The following SEC23A variants were observed in gnomAD, a reference collection of about 807,000 sequenced individuals.
The protein encoded by SEC23A is protein transport protein Sec23A.
SEC23A carries 56 observed loss-of-function variants against 103.7 expected under a neutral mutation model. The ratio of observed to expected loss-of-function variants is 0.54; its 90% CI spans 0.44 to 0.67. The LOEUF is 0.67. Ranked by LOEUF, SEC23A falls within the 30% of genes least tolerant of loss-of-function variation. SEC23A has a pLI of 0.00. For synonymous variants in SEC23A, 281 were observed against 293.0 expected (o/e 0.96, Z 0.42); for missense variants, 784 against 936.4 (o/e 0.84, Z 2.12).
intron 13 of SEC23A, among the ~76,000 whole-genome samples, chr14:39,056,754 A>T (rs1037468978): frequency 6.6e-6 from 1 of 152,102 alleles, no homozygotes; most frequent in African/African-American, 2.4e-5. Flanking sequence ...TGAGCACCAC[A>T]CCAGGCTCAA....
intron 11 of SEC23A, among the ~76,000 whole-genome samples, chr14:39,064,210 A>G (rs1301071826): frequency 6.6e-6 from 1 of 151,996 alleles, no homozygotes; most frequent in African/African-American, 2.4e-5. Flanking sequence ...TACCACGCAA[A>G]CTGCTTGTAC....
intron 13 of SEC23A, among the ~76,000 whole-genome samples, chr14:39,059,300 A>AAAAAAAAAAAAAAAAAAAAC (rs1886382869): frequency 3.0e-5 from 3 of 100,882 alleles, no homozygotes; most frequent in Admixed American, 1.1e-4. Flanking sequence ...AAAAAAAAAA[A>AAAAAAAAAAAAAAAAAAAAC]AAAAAAAAAA....
chr14:39,065,045 G>T, intron 10 of SEC23A, 52 bp from the exon 11 acceptor site: 2 of 1,121,860 alleles, frequency 1.8e-6, no homozygotes, highest in Non-Finnish European at 2.7e-6. Context: ...ACGTTCAAAT[G>T]TTCAACTACA....
At chr14:39,088,013 G>A (rs1365671378) in intron 5 of SEC23A, 1 of 151,960 alleles carries the variant, frequency 6.6e-6, no homozygotes, top group Non-Finnish European at 1.5e-5. Flanking sequence ...GCTCTATAAG[G>A]GTTTACACCA....
intron 19 of SEC23A, among the ~76,000 whole-genome samples, chr14:39,035,962 A>C (rs1885446109): frequency 6.6e-6 from 1 of 152,074 alleles, no homozygotes; most frequent in Non-Finnish European, 1.5e-5. Context: ...TGGCAGTATA[A>C]AGGTGGGGCC....
chr14:39,040,236 T>C, intron 18 of SEC23A: 1 of 164,150 alleles, frequency 6.1e-6, no homozygotes, highest in Non-Finnish European at 1.3e-5. Context: ...CGTATATGTA[T>C]CCTCAAAATC....
At chr14:39,043,713 G>A (rs1266864434) in intron 16 of SEC23A, among the ~76,000 whole-genome samples, 1 of 152,158 alleles carries the variant, frequency 6.6e-6, no homozygotes, top group South Asian at 2.1e-4. Context: ...AGAAAGAACG[G>A]TGAGTGAGTA....
At chr14:39,039,660 T>C in intron 18 of SEC23A, 1 of 153,632 alleles carries the variant, frequency 6.5e-6, no homozygotes, top group Non-Finnish European at 1.4e-5. Flanking sequence ...TAACTCATAA[T>C]GGAAGCACAT....
chr14:39,069,391 C>T (rs1886771100), intron 9 of SEC23A, among the ~76,000 whole-genome samples: 1 of 152,154 alleles, frequency 6.6e-6, no homozygotes, highest in East Asian at 1.9e-4. Flanking sequence ...GTAACCTACC[C>T]TCCTCACTCA....
chr14:39,086,840 T>C (rs982174824), intron 6 of SEC23A, 89 bp downstream of exon 6: 3 of 776,178 alleles, frequency 3.9e-6, no homozygotes, highest in African/African-American at 3.4e-5. Flanking sequence ...TATTTAACAA[T>C]ATAGTATCAC....
intron 3 of SEC23A, 93 bp from the exon 4 acceptor site, chr14:39,092,720 A>T: frequency 1.3e-6 from 1 of 744,534 alleles, no homozygotes; most frequent in South Asian, 1.8e-5. Flanking sequence ...TCATTTAATT[A>T]TTTTTAAAAA....
chr14:39,070,651 C>T (rs904497614), intron 9 of SEC23A, among the ~76,000 whole-genome samples: 1 of 152,146 alleles, frequency 6.6e-6, no homozygotes, highest in African/African-American at 2.4e-5. Flanking sequence ...AACAAAATCC[C>T]AAAAACACAT....
intron 4 of SEC23A, 91 bp downstream of exon 4, chr14:39,092,450 T>C (rs1429795733): frequency 3.7e-6 from 3 of 812,434 alleles, no homozygotes; most frequent in Non-Finnish European, 4.1e-6. Context: ...ATGTGAGAAT[T>C]AAGCATGATT....
At chr14:39,062,438 T>C (rs1313330631) in intron 12 of SEC23A, among the ~76,000 whole-genome samples, 3 of 152,108 alleles carry the variant, frequency 2.0e-5, no homozygotes, top group South Asian at 2.1e-4. Context: ...GTTCAACTTG[T>C]AACTAGATAA....
At chr14:39,093,108 C>T in intron 3 of SEC23A, 79 bp downstream of exon 3, 1 of 1,124,530 alleles carries the variant, frequency 8.9e-7, no homozygotes, top group Non-Finnish European at 1.3e-6. Flanking sequence ...ACCTCGTGAT[C>T]CACCCGCCTC....
intron 19 of SEC23A, among the ~76,000 whole-genome samples, chr14:39,036,053 G>C (rs1032472359): frequency 6.6e-6 from 1 of 151,950 alleles, no homozygotes; most frequent in Non-Finnish European, 1.5e-5. Context: ...AGGCACAGTG[G>C]CTCACACCTG....
At chr14:39,071,555 T>A (rs967801290) in intron 9 of SEC23A, among the ~76,000 whole-genome samples, 2 of 150,258 alleles carry the variant, frequency 1.3e-5, no homozygotes, top group Non-Finnish European at 3.0e-5. Context: ...TCTCAAAATT[T>A]AAAAATTAAA....
At chr14:39,050,759 C>T (rs764098659) in intron 14 of SEC23A, among the ~76,000 whole-genome samples, 1 of 151,406 alleles carries the variant, frequency 6.6e-6, no homozygotes, top group Non-Finnish European at 1.5e-5. Context: ...TCAAGTCCAG[C>T]CTGGGTAAGT....
chr14:39,041,628 G>A lies in SEC23A; in HGVS notation c.1987-741C>T, dbSNP rs1409540199. On this transcript the variant is annotated intron_variant, in intron 17 of 19. Transcript: ENST00000307712. ...CTCACGCCTATAATCCCAGCACTTC[G>A]GGAAGCCAACACGGGCGGATCACCC... Among the ~76,000 whole-genome samples the A allele has an allele frequency of 7.9e-5, 12 of 151,836 alleles. 1 individual carries two copies. In the South Asian group the frequency reaches 1.2e-3, roughly 16 times the overall value.
Sources: gnomAD v4.1 joint callset for allele counts (sites outside exome capture counted in the v4.1 genomes callset) on GRCh38, gnomAD v4.1.1 for gene constraint, MANE v1.5 for transcripts, NCBI Gene and HGNC (gene_info 2026-07-23, HGNC 2026-07-21) for gene names.